Variants in HOATZ observed in about 807,000 individuals in gnomAD.
HOATZ encodes cilia- and flagella-associated protein HOATZ.
A neutral mutation model predicts 24.9 loss-of-function variants in HOATZ; 26 were observed. That is an observed-to-expected ratio of 1.04 (90% CI 0.76 to 1.45). The LOEUF (loss-of-function observed/expected upper bound fraction) is 1.45. Among genes scored for constraint, HOATZ ranks in the 40% most tolerant of loss-of-function variants. The pLI is 0.00. For missense variants in HOATZ, 226 were observed against 201.5 expected, an observed-to-expected ratio of 1.12 and a Z score of -0.74; for synonymous variants, 83 against 76.6, an observed-to-expected ratio of 1.08 and a Z score of -0.43.
rs565974040 is a variant in HOATZ, at chr11:111,534,577, T to C, written c.452+113T>C. Reference sequence around the variant, plus strand: ...CTTAAATCTTCTAGAAACCCACCCGTGTATTACAGATTTCTTGCCTTGAAT... The same window carrying C: ...CTTAAATCTTCTAGAAACCCACCCGCGTATTACAGATTTCTTGCCTTGAAT... On this transcript the variant is annotated intron_variant, in intron 5 of 5. Transcript: ENST00000375618. The C allele has an allele frequency of 2.5e-5, 20 of 810,160 alleles. No individual in the cohort carries two copies. In the Middle Eastern group the frequency reaches 6.9e-4, roughly 28 times the overall value. The allele number at this position is 810,160 out of a possible 1,614,324, so 50.2% of individuals were successfully genotyped here. A position where few individuals can be genotyped will look rare whatever the true frequency, so the allele number is the denominator to read the frequency against.
At chr11:111,518,160 C>A (rs1175381684) in intron 3 of HOATZ, among the ~76,000 whole-genome samples, 1 of 152,262 alleles carries the variant, frequency 6.6e-6, no homozygotes, top group East Asian at 1.9e-4. Flanking sequence ...GTTCATTAAG[C>A]CTAGTGGTCC....
chr11:111,522,211 A>G (rs946730370), intron 3 of HOATZ, among the ~76,000 whole-genome samples: 1 of 152,278 alleles, frequency 6.6e-6, no homozygotes, highest in Non-Finnish European at 1.5e-5. Flanking sequence ...CTTATAAAAC[A>G]TAATTAAATG....
intron 3 of HOATZ, among the ~76,000 whole-genome samples, chr11:111,523,544 T>C (rs1355118497): frequency 6.6e-6 from 1 of 152,206 alleles, no homozygotes; most frequent in African/African-American, 2.4e-5. Context: ...AACATAACTA[T>C]GACAAACAAT....
chr11:111,518,009 C>T (rs925465474), intron 3 of HOATZ, among the ~76,000 whole-genome samples: 1 of 152,302 alleles, frequency 6.6e-6, no homozygotes, highest in African/African-American at 2.4e-5. Flanking sequence ...CTCCTATGCT[C>T]TCTCCCCAAC....
At chr11:111,528,808 C>CTG (rs112207809) in intron 3 of HOATZ, among the ~76,000 whole-genome samples, 5,606 of 151,248 alleles carry the variant, frequency 0.037, 139 homozygotes, top group Middle Eastern at 0.071. Flanking sequence ...TTCTGTCACT[C>CTG]TGTGTGTGTG....
intron 1 of HOATZ, 119 bp from the exon 2 acceptor site, chr11:111,515,392 C>T: frequency 1.3e-6 from 1 of 774,224 alleles, no homozygotes; most frequent in Non-Finnish European, 2.2e-6. Flanking sequence ...CCTGTGAGCC[C>T]TTAGTGAGGC....
At chr11:111,518,437 T>A (rs978723290) in intron 3 of HOATZ, among the ~76,000 whole-genome samples, 5 of 152,206 alleles carry the variant, frequency 3.3e-5, no homozygotes, top group African/African-American at 1.2e-4. Flanking sequence ...TTATTGAATG[T>A]ATATTAGGTA....
intron 3 of HOATZ, among the ~76,000 whole-genome samples, chr11:111,530,833 C>T (rs1480691182): frequency 6.6e-6 from 1 of 152,082 alleles, no homozygotes; most frequent in Non-Finnish European, 1.5e-5. Flanking sequence ...GCAGAGATTT[C>T]CTAGAATATT....
At chr11:111,518,960 T>G (rs991586430) in intron 3 of HOATZ, 2 of 454,846 alleles carry the variant, frequency 4.4e-6, no homozygotes, top group African/African-American at 4.0e-5. Context: ...TTGTACAGTC[T>G]CTGATGTGTA....
At chr11:111,527,456 T>C (rs1867351791) in intron 3 of HOATZ, among the ~76,000 whole-genome samples, 1 of 152,238 alleles carries the variant, frequency 6.6e-6, no homozygotes, top group South Asian at 2.1e-4. Context: ...GAAAGGTGCT[T>C]AGATCTGCAT....
At chr11:111,515,403 C>G (rs1867176010) in intron 1 of HOATZ, 108 bp from the exon 2 acceptor site, 2 of 875,236 alleles carry the variant, frequency 2.3e-6, no homozygotes, top group Non-Finnish European at 3.8e-6. Context: ...TTAGTGAGGC[C>G]TAGGATGTGG....
intron 3 of HOATZ, chr11:111,524,878 T>C (rs1201769334): frequency 2.2e-6 from 1 of 447,240 alleles, no homozygotes; most frequent in Admixed American, 2.4e-5. Flanking sequence ...TTTCTTTTTT[T>C]TTAGACAAGG....
At position 111,526,063 on chromosome 11, in the gene HOATZ, G is replaced by A. The variant is rs116092022; in HGVS notation, c.340-7683G>A. Among the ~76,000 whole-genome samples, 1,212 of 152,262 alleles carry A rather than the reference G, an allele frequency of 8.0e-3. 18 individuals are homozygous for A. Among genetic ancestry groups the A allele is most frequent in the African/African-American group, 0.028 (1,155 of 41,542 alleles). On this transcript the variant is annotated intron_variant, in intron 3 of 5. Coordinates refer to ENST00000375618, the MANE Select transcript of HOATZ (RefSeq NM_001100388.2). ...CCAGACTGAGATTTGAAGGAAGAGC[G>A]GGCATTAACTAGGTCAGAAGGAGGT...
chr11:111,535,151 T>A (rs747373110), intron 5 of HOATZ: 6 of 152,210 alleles, frequency 3.9e-5, no homozygotes, highest in Non-Finnish European at 8.8e-5. Context: ...TTTCTCTCAT[T>A]GGTATTGAGG....
At chr11:111,535,255 G>A (rs984731706) in intron 5 of HOATZ, 5 of 152,042 alleles carry the variant, frequency 3.3e-5, no homozygotes, top group African/African-American at 1.2e-4. Flanking sequence ...AAAATAGAAA[G>A]ATCATTTAAT....
intron 3 of HOATZ, among the ~76,000 whole-genome samples, chr11:111,525,941 T>C (rs1867334306): frequency 6.6e-6 from 1 of 152,174 alleles, no homozygotes; most frequent in Non-Finnish European, 1.5e-5. Context: ...ATCAGGGAGA[T>C]AAATATTTCT....
intron 3 of HOATZ, among the ~76,000 whole-genome samples, chr11:111,532,647 T>G (rs2135782004): frequency 6.6e-6 from 1 of 152,288 alleles, no homozygotes; most frequent in East Asian, 1.9e-4. Flanking sequence ...GGACTTCTAG[T>G]TTCCCGAACT....
intron 3 of HOATZ, among the ~76,000 whole-genome samples, chr11:111,516,973 T>C (rs982526314): frequency 2.6e-5 from 4 of 152,232 alleles, no homozygotes; most frequent in Non-Finnish European, 5.9e-5. Flanking sequence ...GTTTGATTAA[T>C]GTATAAATTA....
chr11:111,535,058 T>C (rs1336755791), intron 5 of HOATZ: 1 of 152,192 alleles, frequency 6.6e-6, no homozygotes, highest in African/African-American at 2.4e-5. Flanking sequence ...TAAAAACCAA[T>C]GTGGCCAACT....
Sources: allele counts gnomAD v4.1 joint callset (sites outside exome capture counted in the v4.1 genomes callset), GRCh38; gene constraint gnomAD v4.1.1; transcripts MANE v1.5; gene names NCBI Gene and HGNC (gene_info 2026-07-23, HGNC 2026-07-21).